The following ELAVL2 variants were observed in gnomAD, a reference collection of about 807,000 sequenced individuals.
The protein encoded by ELAVL2 is ELAV-like protein 2.
A neutral mutation model predicts 34.6 loss-of-function variants in ELAVL2; 4 were observed. The ratio of observed to expected loss-of-function variants is 0.12; its 90% confidence interval spans 0.06 to 0.26. ELAVL2 has a LOEUF of 0.26. Among genes scored for constraint, ELAVL2 ranks in the 10% least tolerant of loss-of-function variants. The probability of loss-of-function intolerance (pLI) is 1.00; values close to 1 mark genes in which losing one functional copy is unlikely to be tolerated. For synonymous variants in ELAVL2, 193 were observed against 154.8 expected, an observed-to-expected ratio of 1.25 and a Z score of -1.83; for missense variants, 432 against 442.8, an observed-to-expected ratio of 0.98 and a Z score of 0.22.
At chr9:23,821,848 T>C (rs1242561065) in intron 1 of ELAVL2, 3 of 151,276 alleles carry the variant, frequency 2.0e-5, no homozygotes, top group Non-Finnish European at 4.4e-5. Flanking sequence ...CCGCCGTTTG[T>C]AGCGGGGCGG....
chr9:23,789,940 G>C (rs16907746), intron 1 of ELAVL2, among the ~76,000 whole-genome samples: 19,100 of 152,030 alleles, frequency 0.13, 1,613 homozygotes, highest in East Asian at 0.28. Context: ...TCAGAGGTAA[G>C]GTAAGGGGTA....
chr9:23,760,262 A>T (rs1227598567), intron 2 of ELAVL2, among the ~76,000 whole-genome samples: 2 of 152,014 alleles, frequency 1.3e-5, no homozygotes, highest in East Asian at 3.9e-4. Context: ...TAATATTTTC[A>T]TCTTATAAAA....
chr9:23,827,198 T>C (rs147947327), upstream of ELAVL2, among the ~76,000 whole-genome samples: 371 of 152,334 alleles, frequency 2.4e-3, 3 homozygotes, highest in African/African-American at 8.5e-3. Context: ...ACACATGTAT[T>C]GCTGACAGCA....
At chr9:23,733,163 T>C (rs1426776870) in intron 2 of ELAVL2, among the ~76,000 whole-genome samples, 1 of 113,018 alleles carries the variant, frequency 8.8e-6, no homozygotes, top group Admixed American at 1.0e-4. Flanking sequence ...TGGAATCATC[T>C]AGAAAGCTTA....
intron 1 of ELAVL2, chr9:23,765,013 G>A (rs2055912775): frequency 6.2e-7 from 1 of 1,609,360 alleles, no homozygotes; most frequent in Non-Finnish European, 8.5e-7. Context: ...ACAGACCCCG[G>A]TCCAAGGCTC....
intron 1 of ELAVL2, among the ~76,000 whole-genome samples, chr9:23,785,875 T>G (rs975803390): frequency 3.3e-5 from 5 of 152,164 alleles, no homozygotes; most frequent in Non-Finnish European, 5.9e-5. Flanking sequence ...TATCTCAACT[T>G]TTTCACTGAA....
At chr9:23,786,230 G>A (rs997408489) in intron 1 of ELAVL2, among the ~76,000 whole-genome samples, 13 of 152,118 alleles carry the variant, frequency 8.5e-5, no homozygotes, top group African/African-American at 3.1e-4. Flanking sequence ...TACCAGGAAA[G>A]TCAAGGAGAA....
At chr9:23,775,452 C>G (rs752310805) in intron 1 of ELAVL2, among the ~76,000 whole-genome samples, 5 of 152,160 alleles carry the variant, frequency 3.3e-5, no homozygotes, top group Non-Finnish European at 5.9e-5. Context: ...AGAGTTCACA[C>G]AAGTATTAAG....
chr9:23,815,583 T>C (rs1412731830), intron 1 of ELAVL2, among the ~76,000 whole-genome samples: 4 of 152,222 alleles, frequency 2.6e-5, no homozygotes, highest in Non-Finnish European at 5.9e-5. Flanking sequence ...TGTCATTTCA[T>C]TGTCAAAAAA....
At chr9:23,833,879 G>T in the ELAVL2 span, among the ~76,000 whole-genome samples, 2 of 151,914 alleles carry the variant, frequency 1.3e-5, no homozygotes, top group Non-Finnish European at 2.9e-5. Context: ...TTTAATGACT[G>T]ATTATAATTC....
intron 5 of ELAVL2, among the ~76,000 whole-genome samples, chr9:23,698,189 G>C (rs1465045476): frequency 1.3e-5 from 2 of 152,054 alleles, no homozygotes; most frequent in African/African-American, 4.8e-5. Context: ...TCACAGAAAA[G>C]AACATGAAAA....
At chr9:23,695,836 G>A (rs1196850435) in intron 5 of ELAVL2, among the ~76,000 whole-genome samples, 2 of 152,112 alleles carry the variant, frequency 1.3e-5, no homozygotes, top group East Asian at 1.9e-4. Context: ...TACCACGGTC[G>A]TACATGTGAT....
At chr9:23,825,485 T>C (rs1286843547) in intron 1 of ELAVL2, among the ~76,000 whole-genome samples, 1 of 152,130 alleles carries the variant, frequency 6.6e-6, no homozygotes, top group East Asian at 1.9e-4. Flanking sequence ...AAGTTATCAC[T>C]CTCTCCCCAC....
At chr9:23,716,967 G>A (rs2042466129) in intron 3 of ELAVL2, among the ~76,000 whole-genome samples, 1 of 152,186 alleles carries the variant, frequency 6.6e-6, no homozygotes, top group South Asian at 2.1e-4. Flanking sequence ...GCAGAGGAAT[G>A]ACAATCTAAA....
intron 3 of ELAVL2, among the ~76,000 whole-genome samples, chr9:23,711,392 C>A (rs1404330082): frequency 6.6e-6 from 1 of 152,114 alleles, no homozygotes; most frequent in African/African-American, 2.4e-5. Context: ...ATAATGTCAT[C>A]CTCAACTTAA....
chr9:23,780,201 T>C (rs1224386381), intron 1 of ELAVL2, among the ~76,000 whole-genome samples: 1 of 151,962 alleles, frequency 6.6e-6, no homozygotes, highest in Non-Finnish European at 1.5e-5. Flanking sequence ...CAACAGTTGG[T>C]ATTAATAGTA....
chr9:23,800,134 A>T (rs749975081), intron 1 of ELAVL2, among the ~76,000 whole-genome samples: 3 of 152,198 alleles, frequency 2.0e-5, no homozygotes, highest in Non-Finnish European at 4.4e-5. Flanking sequence ...ATGAGAAAAG[A>T]AAGTAGCTAA....
rs73654364 is a variant in ELAVL2 at position 23,762,178 on chromosome 9, G to A, written c.57C>T (p.Thr19=). The change falls in exon 2 of 7, where the codon ACC becomes ACT. Residue 19 remains threonine (T), a synonymous_variant. Coordinates refer to ENST00000397312, the MANE Select transcript of ELAVL2 (RefSeq NM_004432.5). ...GTGACGAACAGTTGTTGTTTATGGT[G>A]GTTGGACCATTGGCTGTGTTATTGC... ...PTCNNTANGP[T]TINNNCSSPV... The A allele has an allele frequency of 0.029, 47,367 of 1,613,508 alleles. 1,158 individuals carry two copies. The highest frequency in any genetic ancestry group is 0.1 in the East Asian group (4,707 of 44,864).
chr9:23,812,532 C>T (rs551939237), intron 1 of ELAVL2, among the ~76,000 whole-genome samples: 1 of 152,120 alleles, frequency 6.6e-6, no homozygotes, highest in East Asian at 1.9e-4. Flanking sequence ...CCCTGAGGTG[C>T]CGCAATGAGA....
Sources: allele counts gnomAD v4.1 joint callset (sites outside exome capture counted in the v4.1 genomes callset), GRCh38; gene constraint gnomAD v4.1.1; transcripts MANE v1.5; gene names NCBI Gene and HGNC (gene_info 2026-07-23, HGNC 2026-07-21).